The following ZC3H13 variants were observed in gnomAD, a reference collection of about 807,000 sequenced individuals.
ZC3H13 encodes the protein zinc finger CCCH domain-containing protein 13.
In ZC3H13, 64 loss-of-function variants were observed where a neutral mutation model predicts 204.1. The ratio of observed to expected loss-of-function variants is 0.31; its 90% CI spans 0.26 to 0.39. ZC3H13 has a LOEUF of 0.39. Ranked by LOEUF, ZC3H13 falls within the 10% of genes least tolerant of loss-of-function variation. The pLI, the probability that ZC3H13 is intolerant of heterozygous loss-of-function variation, is 1.00. For missense variants in ZC3H13, 1,833 were observed against 2,082.7 expected (o/e 0.88, Z 2.33); for synonymous variants, 667 against 693.7 (o/e 0.96, Z 0.60).
chr13:45,963,114 C>T, intron 17 of ZC3H13: 1 of 964,522 alleles, frequency 1.0e-6, no homozygotes, highest in Non-Finnish European at 1.2e-6. Context: ...CTCCTAATTA[C>T]CATAGGAAGT....
chr13:46,013,882 T>C (rs546734883), intron 5 of ZC3H13, among the ~76,000 whole-genome samples: 97 of 152,274 alleles, frequency 6.4e-4, no homozygotes, highest in African/African-American at 2.0e-3. Context: ...ATTCTTTCTA[T>C]ATAAAGAATT....
intron 1 of ZC3H13, among the ~76,000 whole-genome samples, chr13:46,049,909 A>G (rs924651267): frequency 3.9e-5 from 6 of 152,190 alleles, no homozygotes; most frequent in African/African-American, 1.4e-4. Context: ...TTACTCTTCT[A>G]TGAAGGTTTT....
intron 16 of ZC3H13, among the ~76,000 whole-genome samples, chr13:45,964,787 A>G (rs1295315237): frequency 6.6e-6 from 1 of 152,226 alleles, no homozygotes; most frequent in Admixed American, 6.5e-5. Flanking sequence ...AATCACTGGA[A>G]TGAGTTCCAG....
chr13:45,964,102 A>G, intron 16 of ZC3H13, 60 bp from the exon 17 acceptor site: 1 of 1,449,174 alleles, frequency 6.9e-7, no homozygotes, highest in African/African-American at 1.4e-5. Context: ...CTTGTTATCT[A>G]CATAGACATT....
At position 46,029,708 on chromosome 13, in the gene ZC3H13, G is replaced by A. The variant is rs964887482; in HGVS notation, c.340-9151C>T. 1.4e-4 allele frequency among the ~76,000 whole-genome samples: 21 copies of A among 151,982 alleles called. No individual in the cohort carries two copies. In the East Asian group the frequency reaches 1.7e-3, roughly 13 times the overall value. On this transcript the variant is annotated intron_variant, in intron 4 of 18. Transcript: ENST00000679008. ...CTCCCAAAGTGCTGGGATTACAGGC[G>A]TGAGCCACCGCGCCCGGCCGAGATG...
At chr13:46,019,468 T>C (rs1028688944) in intron 5 of ZC3H13, among the ~76,000 whole-genome samples, 24 of 152,278 alleles carry the variant, frequency 1.6e-4, no homozygotes, top group African/African-American at 5.5e-4. Flanking sequence ...TTTAGTTTTG[T>C]CATCTGTAAG....
At chr13:46,001,118 G>C (rs940136524) in intron 8 of ZC3H13, 3 of 152,168 alleles carry the variant, frequency 2.0e-5, no homozygotes, top group African/African-American at 4.8e-5. Flanking sequence ...TGATGAAAAA[G>C]CTTGAAATAT....
intron 7 of ZC3H13, 157 bp downstream of exon 7, chr13:46,010,191 G>A: frequency 1.5e-6 from 1 of 671,578 alleles, no homozygotes; most frequent in Non-Finnish European, 2.2e-6. Flanking sequence ...CTCTATAATT[G>A]TCTTTTTAAT....
chr13:46,028,769 T>G (rs12876260), intron 4 of ZC3H13, among the ~76,000 whole-genome samples: 18,553 of 152,000 alleles, frequency 0.12, 1,528 homozygotes, highest in East Asian at 0.29. Context: ...AAAATAAAAA[T>G]ATAACTTACA....
At chr13:46,041,916 C>T (rs1041981332) in intron 4 of ZC3H13, among the ~76,000 whole-genome samples, 5 of 152,108 alleles carry the variant, frequency 3.3e-5, no homozygotes, top group African/African-American at 1.2e-4. Context: ...GGGATCCCTA[C>T]ACAAAATCCC....
At chr13:46,022,640 ATCTAAG>A (rs1174519200) in intron 4 of ZC3H13, among the ~76,000 whole-genome samples, 1 of 152,004 alleles carries the variant, frequency 6.6e-6, no homozygotes, top group Non-Finnish European at 1.5e-5. Flanking sequence ...ATCCTGGAAC[ATCTAAG>A]TCTTGAAATA....
rs909926046 is a variant in ZC3H13, at chr13:45,954,695, C to A, written c.*2432G>T. 1.3e-5 allele frequency: 2 copies of A among 152,156 alleles called. No homozygotes were observed. The highest frequency in any genetic ancestry group is 2.9e-5 in the Non-Finnish European group (2 of 68,026). The allele number at this position is 152,156 out of a possible 1,614,324, so 9.4% of individuals were successfully genotyped here. A position where few individuals can be genotyped will look rare whatever the true frequency, so the allele number is the denominator to read the frequency against. Reference sequence around the variant, plus strand: ...AATAGTATGTACCTTAATCTTTACACAATTGGACAGTGAGGAGCAAAGTGG... The same window carrying A: ...AATAGTATGTACCTTAATCTTTACAAAATTGGACAGTGAGGAGCAAAGTGG... On this transcript the variant is annotated 3_prime_UTR_variant, in exon 19 of 19. Transcript: ENST00000679008.
At chr13:46,036,950 C>A (rs2139072153) in intron 4 of ZC3H13, among the ~76,000 whole-genome samples, 1 of 152,230 alleles carries the variant, frequency 6.6e-6, no homozygotes, top group Non-Finnish European at 1.5e-5. Context: ...AACTCCTGGC[C>A]TCAAGTGATC....
In ZC3H13 at chr13:45,975,525, T is replaced by A. The variant is rs780598343; in HGVS notation, c.2226A>T (p.Glu742Asp). Residue 742 changes from glutamate (E) to aspartate (D), a missense_variant, in exon 12 of 19, where the codon GAA (glutamate) becomes GAT (aspartate). By Grantham distance (45) the Glu-to-Asp change is conservative. Transcript: ENST00000679008. ...DHDRERERER[E>D]RDREKERERE... ...GTTCCCGTTCTTTTTCCCTGTCTCG[T>A]TCCCTCTCTCTTTCCCGCTCTCGAT... The A allele has an allele frequency of 1.2e-6, 2 of 1,606,496 alleles. No individual in the cohort carries two copies. Among genetic ancestry groups the A allele is most frequent in the African/African-American group, 2.7e-5 (2 of 74,112 alleles).
Position 45,969,585 on chromosome 13 carries a change from C to T in ZC3H13, c.2959G>A (p.Glu987Lys), listed in dbSNP as rs765721483. 2 of 1,610,980 alleles carry T rather than the reference C, an allele frequency of 1.2e-6. No homozygotes were observed. The highest frequency in any genetic ancestry group is 1.7e-6 in the Non-Finnish European group (2 of 1,179,394). Residue 987 changes from glutamate to lysine, a missense_variant, in exon 14 of 19, where the codon GAA (glutamate) becomes AAA (lysine). Around this residue, in one of 5 missense-constraint regions of ZC3H13, gnomAD observed 1,574 missense variants for 1,757.2 expected, o/e 0.90. Coordinates refer to ENST00000679008, the MANE Select transcript of ZC3H13 (RefSeq NM_001330564.2). ...IERGNIETTS[E>K]DGQVFSPKKG... ...TTTGGTGAAAATACTTGACCATCTT[C>T]AGATGTTGTCTCTATGTTACCCCTC...
chr13:45,967,751 T>C lies in ZC3H13; in HGVS notation c.4074A>G (p.Glu1358=). 1 of 1,612,878 alleles carries C rather than the reference T, an allele frequency of 6.2e-7. No individual in the cohort carries two copies. Among genetic ancestry groups the C allele is most frequent in the Non-Finnish European group, 8.5e-7 (1 of 1,179,400 alleles). ...CAGAATCAGAAATTAGTCTCTCTCT[T>C]TCCCTATCCAAGTCTCTCCTTTTGT... ...ERDKRRDLDR[E]RERLISDSVE... Residue 1358 remains glutamate, a synonymous_variant, in exon 15 of 19, where the codon GAA becomes GAG. Coordinates refer to ENST00000679008, the MANE Select transcript of ZC3H13 (RefSeq NM_001330564.2).
rs758566200 is a variant in ZC3H13 at position 46,045,004 on chromosome 13, C to T, written c.178G>A (p.Val60Ile). The change falls in exon 3 of 19, where the codon GTA (valine) becomes ATA (isoleucine). Residue 60 changes from valine (V) to isoleucine (I), a missense_variant. Val to Ile is a conservative substitution (Grantham distance 29). Coordinates refer to ENST00000679008, the MANE Select transcript of ZC3H13 (RefSeq NM_001330564.2). Reference sequence around the variant, plus strand: ...TTACCACGAGGTGAAGGGCCATGTACGAATCTACATGTGTTTCCATAGAGG... The same window carrying T: ...TTACCACGAGGTGAAGGGCCATGTATGAATCTACATGTGTTTCCATAGAGG... ...NCLYGNTCRF[V>I]HGPSPRGKGY... 9 of 1,613,480 alleles carry T rather than the reference C, an allele frequency of 5.6e-6. No individual in the cohort carries two copies. Among genetic ancestry groups the T allele is most frequent in the South Asian group, 1.1e-5 (1 of 91,048 alleles).
chr13:46,039,198 GA>G (rs2043404688), intron 4 of ZC3H13, among the ~76,000 whole-genome samples: 1 of 152,118 alleles, frequency 6.6e-6, no homozygotes, highest in Admixed American at 6.6e-5. Flanking sequence ...GGGAAAGCAA[GA>G]ATCAGGCTTT....
At chr13:46,010,679 T>A (rs187443718) in intron 6 of ZC3H13, among the ~76,000 whole-genome samples, 174 bp from the exon 7 acceptor site, 89 of 151,716 alleles carry the variant, frequency 5.9e-4, no homozygotes, top group Non-Finnish European at 7.4e-5. Context: ...AAGGATTGCT[T>A]GAGGTGAGGA....
Sources: gnomAD v4.1 joint callset for allele counts (sites outside exome capture counted in the v4.1 genomes callset) on GRCh38, gnomAD v4.1.1 for gene constraint, gnomAD v4.1.1 regional missense constraint, MANE v1.5 for transcripts, NCBI Gene and HGNC (gene_info 2026-07-23, HGNC 2026-07-21) for gene names.